The following EIF4A1 variants were observed in gnomAD, a reference collection of about 807,000 sequenced individuals.
The protein encoded by EIF4A1 is eukaryotic translation initiation factor 4A1, also known as eukaryotic initiation factor 4A-I.
In EIF4A1, 11 loss-of-function variants were observed where a neutral mutation model predicts 53.5. That is an observed-to-expected ratio of 0.21 (90% CI 0.13 to 0.34). The LOEUF is 0.34. Ranked by LOEUF, EIF4A1 falls within the 10% of genes least tolerant of loss-of-function variation. EIF4A1 has a pLI of 1.00. For synonymous variants in EIF4A1, 237 were observed against 186.7 expected (o/e 1.27, Z -2.20); for missense variants, 213 against 530.8 (o/e 0.40, Z 5.88).
chr17:7,575,578 G>A (rs1424963026), intron 4 of EIF4A1: 3 of 442,184 alleles, frequency 6.8e-6, no homozygotes, highest in African/African-American at 2.0e-5. Context: ...AGTAGTCAGA[G>A]CAGATGGACA....
rs766193151 is a variant in EIF4A1 at position 7,577,508 on chromosome 17, C to T, written c.768+21C>T. The T allele has an allele frequency of 2.0e-5, 33 of 1,613,218 alleles. No homozygotes were observed. The highest frequency in any genetic ancestry group is 2.5e-5 in the Non-Finnish European group (30 of 1,179,774). On this transcript the variant is annotated intron_variant, in intron 7 of 10. Coordinates refer to ENST00000293831, the MANE Select transcript of EIF4A1 (RefSeq NM_001416.4). This position sits in a 1 kb window ranked among gnomAD's most constrained non-coding sequence, Gnocchi z 4.7. Reference sequence around the variant, plus strand: ...GAGAGGTGGGGCCCAGTGCAGGAGGCGGGCCTGGTAGTGAGTTGTTGGGTA... The same window carrying T: ...GAGAGGTGGGGCCCAGTGCAGGAGGTGGGCCTGGTAGTGAGTTGTTGGGTA...
intron 3 of EIF4A1, 75 bp downstream of exon 3, chr17:7,574,753 CCATCT>C (rs752553023): frequency 1.2e-6 from 2 of 1,601,882 alleles, no homozygotes; most frequent in East Asian, 2.2e-5. Context: ...TTGGTGATGC[CCATCT>C]CATATCAGCC....
intron 4 of EIF4A1, 76 bp downstream of exon 4, chr17:7,575,334 T>C: frequency 6.3e-7 from 1 of 1,599,574 alleles, no homozygotes; most frequent in Non-Finnish European, 8.5e-7. Context: ...AGAGAAGTCT[T>C]CTCTGATCAC....
At chr17:7,574,855 T>G (rs961099833) in intron 3 of EIF4A1, 177 bp downstream of exon 3, 2 of 1,185,344 alleles carry the variant, frequency 1.7e-6, no homozygotes, top group Non-Finnish European at 2.5e-6. Flanking sequence ...TAGGTTTCCT[T>G]TAAAGAGGTG....
rs770895700 is a variant in EIF4A1, at chr17:7,577,293, C to G, written c.625-51C>G. 2.5e-6 allele frequency: 4 copies of G among 1,605,210 alleles called. No individual in the cohort carries two copies. In the South Asian group the frequency reaches 4.5e-5, roughly 18 times the overall value. On this transcript the variant is annotated intron_variant, in intron 6 of 10. Transcript: ENST00000293831. The surrounding 1 kb of genome is among the most constrained non-coding windows in gnomAD (Gnocchi z 4.7). ...TTTTAGGTGTGGCTAGGGAAGGGAG[C>G]AGGCCTCAGGAAGGAACCAGCACTC...
chr17:7,576,715 C>A, intron 5 of EIF4A1, 23 bp downstream of exon 5: 2 of 1,583,028 alleles, frequency 1.3e-6, no homozygotes, highest in Non-Finnish European at 8.6e-7. Context: ...GTTCTCCAAT[C>A]CCCTGGGTCA....
intron 4 of EIF4A1, chr17:7,575,578 GC>G: frequency 2.3e-6 from 1 of 442,302 alleles, no homozygotes; most frequent in Non-Finnish European, 4.2e-6. Context: ...AGTAGTCAGA[GC>G]AGATGGACAG....
chr17:7,578,320 C>CA, intron 10 of EIF4A1, 22 bp from the exon 11 acceptor site: 1 of 1,612,950 alleles, frequency 6.2e-7, no homozygotes, highest in Non-Finnish European at 8.5e-7. Context: ...TGATATTCCT[C>CA]ATCCCCTTCC....
intron 5 of EIF4A1, 147 bp from the exon 6 acceptor site, chr17:7,576,909 C>A (rs1275963423): frequency 7.5e-7 from 1 of 1,328,476 alleles, no homozygotes; most frequent in Non-Finnish European, 1.1e-6. Flanking sequence ...GTCTGCCTGG[C>A]GGGAAGGTCC....
At chr17:7,574,813 C>A in intron 3 of EIF4A1, 135 bp downstream of exon 3, 1 of 1,431,700 alleles carries the variant, frequency 7.0e-7, no homozygotes, top group Non-Finnish European at 9.7e-7. Flanking sequence ...GCTTTTGATC[C>A]GTGCCCATGC....
At chr17:7,575,826 G>T in intron 4 of EIF4A1, 1 of 208,138 alleles carries the variant, frequency 4.8e-6, no homozygotes, top group Non-Finnish European at 1.0e-5. Context: ...TCGTAGCTTG[G>T]GTCCTATGGC....
chr17:7,577,318 C>G lies in EIF4A1; in HGVS notation c.625-26C>G, dbSNP rs1567735094. 1.9e-6 allele frequency: 3 copies of G among 1,613,420 alleles called. No individual in the cohort carries two copies. The highest frequency in any genetic ancestry group is 3.3e-5 in the Admixed American group (2 of 59,954). ...CAGGCCTCAGGAAGGAACCAGCACT[C>G]TAAGACTGGCCTTTTTTTCCACTAG... On this transcript the variant is annotated intron_variant, in intron 6 of 10. Transcript: ENST00000293831. The surrounding 1 kb of genome is among the most constrained non-coding windows in gnomAD (Gnocchi z 4.7).
In EIF4A1 at chr17:7,578,581, T is replaced by G; in HGVS notation, c.*95T>G. 7.3e-7 allele frequency: 1 copy of G among 1,362,424 alleles called. No individual in the cohort carries two copies. Among genetic ancestry groups the G allele is most frequent in the South Asian group, 1.8e-5 (1 of 54,514 alleles). 84.4% of individuals were successfully genotyped at this position (1,362,424 alleles called of 1,614,324 possible). A position where few individuals can be genotyped will look rare whatever the true frequency, so the allele number is the denominator to read the frequency against. On this transcript the variant is annotated 3_prime_UTR_variant, in exon 11 of 11. Coordinates refer to ENST00000293831, the MANE Select transcript of EIF4A1 (RefSeq NM_001416.4). ...AGGGAAGGGAGCCAAGGGATGGACA[T>G]CTTGTCATTTTTTTTCTTTGAATAA... is the stretch of plus-strand genomic sequence containing the variant.
Position 7,577,476 on chromosome 17 carries a change from G to A in EIF4A1, c.757G>A (p.Val253Met). 6.2e-7 allele frequency: 1 copy of A among 1,614,132 alleles called. No individual in the cohort carries two copies. ...LEGIRQFYIN[V>M]EREEWKLDTL... ...GGGTATCCGCCAGTTCTACATCAAC[G>A]TGGAACGAGAGGTGGGGCCCAGTGC... The change falls in exon 7 of 11, where the codon GTG (valine) becomes ATG (methionine). Residue 253 changes from valine to methionine, a missense_variant. Transcript: ENST00000293831. The surrounding 1 kb of genome is among the most constrained non-coding windows in gnomAD (Gnocchi z 4.7).
intron 1 of EIF4A1, 67 bp downstream of exon 1, chr17:7,572,931 G>T (rs1350204814): frequency 7.4e-6 from 12 of 1,613,894 alleles, no homozygotes; most frequent in Middle Eastern, 1.6e-4. Flanking sequence ...GGGCCCGCCG[G>T]GGGTAGCTGA....
Position 7,577,720 on chromosome 17 carries a change from C to CT in EIF4A1, c.906+15dup. 1 of 1,613,800 alleles carries CT rather than the reference C, an allele frequency of 6.2e-7. No individual in the cohort carries two copies. The highest frequency in any genetic ancestry group is 8.5e-7 in the Non-Finnish European group (1 of 1,179,998). ...GTATCCGCCATGGTGTGTTTGCCCG[C>CT]TGCCAGCCTGTTGTGGGTCTGCCCG... On this transcript the variant is annotated intron_variant, in intron 8 of 10. Coordinates refer to ENST00000293831, the MANE Select transcript of EIF4A1 (RefSeq NM_001416.4). This position sits in a 1 kb window ranked among gnomAD's most constrained non-coding sequence, Gnocchi z 4.7.
chr17:7,572,992 G>C, intron 1 of EIF4A1, 128 bp downstream of exon 1: 3 of 1,544,692 alleles, frequency 1.9e-6, no homozygotes, highest in Non-Finnish European at 1.8e-6. Context: ...GGGAGGGTCC[G>C]ACTTGGAGGG....
chr17:7,574,194 C>T, intron 1 of EIF4A1, 66 bp from the exon 2 acceptor site: 4 of 1,586,868 alleles, frequency 2.5e-6, no homozygotes, highest in Non-Finnish European at 2.6e-6. Context: ...CTGACAGAGC[C>T]CGGCTGTCAG....
intron 4 of EIF4A1, chr17:7,576,267 A>G (rs1181702491): frequency 5.4e-6 from 2 of 371,006 alleles, no homozygotes; most frequent in East Asian, 4.2e-5. Context: ...AAGAAACTGA[A>G]TTAATTATCT....
Sources: allele counts gnomAD v4.1 joint callset, GRCh38; gene constraint gnomAD v4.1.1; non-coding constraint Gnocchi (gnomAD v3.1); transcripts MANE v1.5; gene names NCBI Gene and HGNC (gene_info 2026-07-23, HGNC 2026-07-21).